The following TBX18 variants were observed in gnomAD, a reference collection of about 807,000 sequenced individuals.
TBX18 encodes the protein T-box transcription factor 18, also known as T-box transcription factor TBX18.
TBX18 carries 21 observed loss-of-function variants against 55.0 expected under a neutral mutation model. That is an observed-to-expected ratio of 0.38 (90% CI 0.27 to 0.55). The LOEUF is 0.55. Ranked by LOEUF, TBX18 falls within the 20% of genes least tolerant of loss-of-function variation. The probability of loss-of-function intolerance (pLI) is 0.73; values close to 1 mark genes in which losing one functional copy is unlikely to be tolerated. For missense variants in TBX18, 840 were observed against 799.6 expected, an observed-to-expected ratio of 1.05 and a Z score of -0.61; for synonymous variants, 342 against 326.1, an observed-to-expected ratio of 1.05 and a Z score of -0.53.
chr6:84,763,478 G>A, intron 1 of TBX18: 1 of 471,744 alleles, frequency 2.1e-6, no homozygotes, highest in Non-Finnish European at 4.2e-6. Flanking sequence ...TTGCACAAAC[G>A]GTTTAGGGCA....
At chr6:84,747,730 G>T (rs946167393) in intron 5 of TBX18, among the ~76,000 whole-genome samples, 190 bp downstream of exon 5, 1 of 152,110 alleles carries the variant, frequency 6.6e-6, no homozygotes, top group Non-Finnish European at 1.5e-5. Context: ...TTTGTCTAAA[G>T]AAATCAACAT....
rs1773882884 is a variant in TBX18, at chr6:84,734,360, G to A, written c.*2325C>T. 6.6e-6 allele frequency: 1 copy of A among 152,060 alleles called. No homozygotes were observed. Among genetic ancestry groups the A allele is most frequent in the Non-Finnish European group, 1.5e-5 (1 of 68,014 alleles). The allele number at this position is 152,060 out of a possible 1,614,324, so 9.4% of individuals were successfully genotyped here. The stretch of plus-strand genomic sequence containing the variant: ...CATGTATTTGAGAGGTACAGAATTT[G>A]CGTTTGGGGTGTGCATGTGTGTGCT... On this transcript the variant is annotated 3_prime_UTR_variant, in exon 8 of 8. Transcript: ENST00000369663.
chr6:84,764,069 C>T lies in TBX18; in HGVS notation c.113G>A (p.Arg38Gln), dbSNP rs890027291. 1 of 1,577,408 alleles carries T rather than the reference C, an allele frequency of 6.3e-7. No individual in the cohort carries two copies. Among genetic ancestry groups the T allele is most frequent in the Admixed American group, 1.7e-5 (1 of 57,358 alleles). Reference sequence around the variant, plus strand: ...CGCCTCTTCGGCGCCCAGTTTTCGCCGCTTCTTCTGAAGCTGTTGCTGCTT... The same window carrying T: ...CGCCTCTTCGGCGCCCAGTTTTCGCTGCTTCTTCTGAAGCTGTTGCTGCTT... ...AEKQQQLQKKRRKLGAEEAAG... is the reference protein window; with the variant it reads ...AEKQQQLQKKQRKLGAEEAAG... Residue 38 changes from arginine to glutamine, a missense_variant, in exon 1 of 8, where the codon CGG (arginine) becomes CAG (glutamine). Coordinates refer to ENST00000369663, the MANE Select transcript of TBX18 (RefSeq NM_001080508.3).
rs1773881224 is a variant in TBX18, at chr6:84,734,289, T to A, written c.*2396A>T. 1.3e-5 allele frequency: 2 copies of A among 152,276 alleles called. No individual in the cohort carries two copies. The highest frequency in any genetic ancestry group is 4.1e-4 in the South Asian group (2 of 4,826). The allele number at this position is 152,276 out of a possible 1,614,324, so 9.4% of individuals were successfully genotyped here. On this transcript the variant is annotated 3_prime_UTR_variant, in exon 8 of 8. Transcript: ENST00000369663. ...TGACATGGTCAACACACCAAGAAATTACATTTAACACATGAAACATGAACA... is the reference window on the plus strand; with the variant it reads ...TGACATGGTCAACACACCAAGAAATAACATTTAACACATGAAACATGAACA...
chr6:84,747,597 T>C (rs1002878684), intron 5 of TBX18, among the ~76,000 whole-genome samples: 7 of 152,186 alleles, frequency 4.6e-5, no homozygotes, highest in African/African-American at 2.4e-5. Context: ...TATGATACAA[T>C]TCATTTTTAA....
chr6:84,738,616 G>C, intron 6 of TBX18, 25 bp from the exon 7 acceptor site: 1 of 1,585,218 alleles, frequency 6.3e-7, no homozygotes, highest in Non-Finnish European at 8.7e-7. Context: ...TCAGGATAGG[G>C]GTGGACAAAA....
intron 1 of TBX18, chr6:84,762,982 G>C (rs1026324625): frequency 3.8e-5 from 22 of 573,980 alleles, no homozygotes; most frequent in African/African-American, 3.8e-4. Flanking sequence ...CAAGTCCCAA[G>C]CCCGGGAGAG....
rs766665696 is a variant in TBX18 at position 84,762,743 on chromosome 6, A to T, written c.298T>A (p.Cys100Ser). Reference sequence around the variant, plus strand: ...GCTCCCTGCTGGAAGCCGTCCTCACAGCCGCCTGGACAGCAAAGGACAGAG... The same window carrying T: ...GCTCCCTGCTGGAAGCCGTCCTCACTGCCGCCTGGACAGCAAAGGACAGAG... ...ADLERGAAGGCEDGFQQGASP... is the reference protein window; with the variant it reads ...ADLERGAAGGSEDGFQQGASP... The change falls in exon 2 of 8, where the codon TGT (cysteine) becomes AGT (serine). Residue 100 changes from cysteine (C) to serine (S), a missense_variant. Cys to Ser is a moderately radical substitution (Grantham distance 112). Transcript: ENST00000369663. 6.3e-7 allele frequency: 1 copy of T among 1,599,722 alleles called. No individual in the cohort carries two copies. The highest frequency in any genetic ancestry group is 1.3e-5 in the African/African-American group (1 of 74,604).
intron 4 of TBX18, among the ~76,000 whole-genome samples, chr6:84,754,165 T>C (rs1385795760): frequency 6.6e-6 from 1 of 152,148 alleles, no homozygotes; most frequent in Non-Finnish European, 1.5e-5. Flanking sequence ...TGACCTCAGG[T>C]GATCCACCTG....
chr6:84,755,015 C>CTT (rs942616753), intron 4 of TBX18, among the ~76,000 whole-genome samples: 3 of 152,106 alleles, frequency 2.0e-5, no homozygotes, highest in Admixed American at 2.0e-4. Context: ...CTGTTTTTCT[C>CTT]TCTTTCTTTC....
chr6:84,750,422 G>A (rs1767316816), intron 4 of TBX18, among the ~76,000 whole-genome samples: 1 of 152,142 alleles, frequency 6.6e-6, no homozygotes, highest in African/African-American at 2.4e-5. Flanking sequence ...TAGGAAAAAG[G>A]AGTAGGCAAG....
chr6:84,741,645 T>C (rs1767051362), intron 6 of TBX18: 1 of 152,214 alleles, frequency 6.6e-6, no homozygotes, highest in South Asian at 2.1e-4. Flanking sequence ...CTGGTCAATT[T>C]GTATATTTCA....
rs71570735 is a variant in TBX18 at position 84,738,600 on chromosome 6, A to C, written c.1005-9T>G. 20 of 1,611,166 alleles carry C rather than the reference A, an allele frequency of 1.2e-5. No individual in the cohort carries two copies. The highest frequency in any genetic ancestry group is 1.6e-5 in the Non-Finnish European group (19 of 1,177,574). On this transcript the variant is annotated splice_polypyrimidine_tract_variant and intron_variant, in intron 6 of 7. Transcript: ENST00000369663. ...AGGCTTCCAAACCCATTCTAAATGG[A>C]AAGGGTCAGGATAGGGGTGGACAAA...
In TBX18 at chr6:84,732,637, C is replaced by T. The variant is rs1773834548; in HGVS notation, c.*4048G>A. 1 of 152,018 alleles carries T rather than the reference C, an allele frequency of 6.6e-6. No individual in the cohort carries two copies. The highest frequency in any genetic ancestry group is 2.4e-5 in the African/African-American group (1 of 41,418). 9.4% of individuals were successfully genotyped at this position (152,018 alleles called of 1,614,324 possible). A position where few individuals can be genotyped will look rare whatever the true frequency, so the allele number is the denominator to read the frequency against. ...CATGAAAAAGAAATTTTATTAATGT[C>T]TTTTACTATTCACTATAAAGTAGCA... is the stretch of plus-strand genomic sequence containing the variant. On this transcript the variant is annotated 3_prime_UTR_variant, in exon 8 of 8. Transcript: ENST00000369663.
intron 1 of TBX18, 117 bp downstream of exon 1, chr6:84,763,773 G>C (rs1163072963): frequency 7.1e-7 from 1 of 1,417,162 alleles, no homozygotes; most frequent in Non-Finnish European, 9.2e-7. Context: ...CGGCCAATGC[G>C]CTAGTGGCTG....
At chr6:84,745,641 C>T (rs1178718229) in intron 5 of TBX18, among the ~76,000 whole-genome samples, 2 of 152,168 alleles carry the variant, frequency 1.3e-5, no homozygotes, top group Middle Eastern at 3.4e-3. Context: ...TGAAGGAATT[C>T]TTCTTTACAG....
chr6:84,739,969 T>C lies in TBX18; in HGVS notation c.1005-1378A>G, dbSNP rs532132160. ...CTACCCCATCTTAGTGACAGAATGA[T>C]GTAGCTATGCATGTGTGGAGGGGTG... On this transcript the variant is annotated intron_variant, in intron 6 of 7. Coordinates refer to ENST00000369663, the MANE Select transcript of TBX18 (RefSeq NM_001080508.3). 8.3e-4 allele frequency among the ~76,000 whole-genome samples: 126 copies of C among 152,308 alleles called. 1 individual carries two copies. The highest frequency in any genetic ancestry group is 2.8e-3 in the African/African-American group (118 of 41,574).
chr6:84,755,955 G>T (rs541309676), intron 4 of TBX18, among the ~76,000 whole-genome samples: 1 of 151,970 alleles, frequency 6.6e-6, no homozygotes, highest in Non-Finnish European at 1.5e-5. Flanking sequence ...TATATTCTTC[G>T]AAAGGCATTT....
In TBX18 at chr6:84,738,483, A is replaced by G; in HGVS notation, c.1099+14T>C. ...ACGGGCTGTATATATGACCCAGGAG[A>G]CTTTGTGAGTTACCTTGCTTGGGAA... is the stretch of plus-strand genomic sequence containing the variant. On this transcript the variant is annotated intron_variant, in intron 7 of 7. Coordinates refer to ENST00000369663, the MANE Select transcript of TBX18 (RefSeq NM_001080508.3). The G allele has an allele frequency of 3.1e-6, 5 of 1,609,374 alleles. No individual in the cohort carries two copies. Among genetic ancestry groups the G allele is most frequent in the Non-Finnish European group, 4.3e-6 (5 of 1,175,742 alleles).
Sources: allele counts gnomAD v4.1 joint callset (sites outside exome capture counted in the v4.1 genomes callset), GRCh38; gene constraint gnomAD v4.1.1; transcripts MANE v1.5; gene names NCBI Gene and HGNC (gene_info 2026-07-23, HGNC 2026-07-21).